Variants in GPD2 observed in about 807,000 individuals in gnomAD.
GPD2 encodes glycerol-3-phosphate dehydrogenase, mitochondrial.
GPD2 carries 54 observed loss-of-function variants against 82.4 expected under a neutral mutation model. That is an observed-to-expected ratio of 0.66 (90% CI 0.53 to 0.82). The LOEUF is 0.82. Among genes scored for constraint, GPD2 ranks in the 40% least tolerant of loss-of-function variants. The probability of loss-of-function intolerance (pLI) is 0.00; values close to 1 mark genes in which losing one functional copy is unlikely to be tolerated. For synonymous variants in GPD2, 288 were observed against 306.1 expected, an observed-to-expected ratio of 0.94 and a Z score of 0.62; for missense variants, 748 against 896.2, an observed-to-expected ratio of 0.83 and a Z score of 2.11.
At chr2:156,564,506 A>G (rs1687294937) in intron 9 of GPD2, among the ~76,000 whole-genome samples, 2 of 152,136 alleles carry the variant, frequency 1.3e-5, no homozygotes, top group South Asian at 4.1e-4. Flanking sequence ...AATGTCTCAC[A>G]TGTTTAGCTG....
chr2:156,428,635 C>T, the GPD2 span, among the ~76,000 whole-genome samples: 181 of 152,328 alleles, frequency 1.2e-3, no homozygotes, highest in African/African-American at 4.3e-3. Context: ...TATTTATTTA[C>T]AGCGTGGCCT....
rs1022971048 is a variant in GPD2 at position 156,493,054 on chromosome 2, T to TTC, written c.103-2978_103-2977dup. 7.2e-4 allele frequency among the ~76,000 whole-genome samples: 110 copies of TTC among 152,122 alleles called. 1 individual carries two copies. The highest frequency in any genetic ancestry group is 2.6e-3 in the African/African-American group (107 of 41,528). On this transcript the variant is annotated intron_variant, in intron 2 of 16. Coordinates refer to ENST00000438166, the MANE Select transcript of GPD2 (RefSeq NM_000408.5). Reference sequence around the variant, plus strand: ...TTGATGATATGGGGTACATAAGATTTTCTCTCTCTCTCTTACTGTCTGTTG... The same window carrying TTC: ...TTGATGATATGGGGTACATAAGATTTTCTCTCTCTCTCTCTTACTGTCTGTTG...
At chr2:156,555,539 T>C (rs942596177) in intron 8 of GPD2, among the ~76,000 whole-genome samples, 1 of 152,200 alleles carries the variant, frequency 6.6e-6, no homozygotes, top group Admixed American at 6.5e-5. Context: ...TGTTTCAATA[T>C]ACTTCTGTTT....
At chr2:156,419,350 C>T in the GPD2 span, among the ~76,000 whole-genome samples, 30 of 152,212 alleles carry the variant, frequency 2.0e-4, no homozygotes, top group African/African-American at 6.8e-4. Context: ...TGAGCCACCA[C>T]GCCCAGCCCA....
At chr2:156,574,710 T>A (rs180911562) in intron 13 of GPD2, among the ~76,000 whole-genome samples, 1 of 152,286 alleles carries the variant, frequency 6.6e-6, no homozygotes. Flanking sequence ...AGAAGCCAAG[T>A]GCTCAACAAT....
chr2:156,479,942 A>G (rs1040621729), intron 2 of GPD2, among the ~76,000 whole-genome samples: 1 of 152,146 alleles, frequency 6.6e-6, no homozygotes, highest in Admixed American at 6.6e-5. Flanking sequence ...TAAGCATTTT[A>G]CCACTCAAAG....
At chr2:156,426,776 G>T in the GPD2 span, among the ~76,000 whole-genome samples, 1 of 151,948 alleles carries the variant, frequency 6.6e-6, no homozygotes, top group African/African-American at 2.4e-5. Context: ...CTAGGGAATG[G>T]TTTTTTTCTT....
chr2:156,409,719 A>C, the GPD2 span, among the ~76,000 whole-genome samples: 2 of 152,162 alleles, frequency 1.3e-5, no homozygotes, highest in African/African-American at 4.8e-5. Flanking sequence ...AAAACAAAAA[A>C]ACCTAGAAAG....
the GPD2 span, among the ~76,000 whole-genome samples, chr2:156,425,999 T>C: frequency 5.1e-4 from 77 of 151,038 alleles, no homozygotes; most frequent in Non-Finnish European, 9.4e-4. Context: ...CTCGGCTCAC[T>C]GCAAGCTCCG....
intron 3 of GPD2, among the ~76,000 whole-genome samples, chr2:156,506,910 A>G (rs187806571): frequency 2.4e-4 from 37 of 152,304 alleles, no homozygotes; most frequent in African/African-American, 8.9e-4. Context: ...TTCCTTTTTT[A>G]TAATAATAAA....
chr2:156,432,158 G>C (rs1688323879), upstream of GPD2, among the ~76,000 whole-genome samples: 1 of 152,146 alleles, frequency 6.6e-6, no homozygotes, highest in Non-Finnish European at 1.5e-5. Context: ...AAAGTGCTGG[G>C]ATTACAGGCA....
chr2:156,418,584 A>C, the GPD2 span, among the ~76,000 whole-genome samples: 1 of 152,154 alleles, frequency 6.6e-6, no homozygotes, highest in Non-Finnish European at 1.5e-5. Flanking sequence ...CCAAGGTGAA[A>C]GTTTCCCCTG....
chr2:156,500,801 A>C (rs950495986), intron 3 of GPD2, among the ~76,000 whole-genome samples: 7 of 152,150 alleles, frequency 4.6e-5, no homozygotes, highest in African/African-American at 1.7e-4. Context: ...TATCATCTGC[A>C]TTTTCTTGGG....
chr2:156,539,756 G>GA (rs1322025785), intron 6 of GPD2, among the ~76,000 whole-genome samples: 1 of 152,078 alleles, frequency 6.6e-6, no homozygotes, highest in Non-Finnish European at 1.5e-5. Context: ...AAAGAGGACT[G>GA]AAAAAAATGG....
At chr2:156,559,523 C>T (rs1548023) in intron 9 of GPD2, among the ~76,000 whole-genome samples, 108,850 of 151,962 alleles carry the variant, frequency 0.72, 39,062 homozygotes, top group Middle Eastern at 0.82. Flanking sequence ...CCTTTTTCCC[C>T]AAAGGATTTT....
chr2:156,443,199 C>G (rs1682238201), intron 1 of GPD2, among the ~76,000 whole-genome samples: 1 of 152,182 alleles, frequency 6.6e-6, no homozygotes, highest in Non-Finnish European at 1.5e-5. Flanking sequence ...TCAGAAATGT[C>G]TTGTATATTT....
intron 1 of GPD2, among the ~76,000 whole-genome samples, chr2:156,463,698 G>T (rs910666980): frequency 2.6e-5 from 4 of 152,072 alleles, no homozygotes; most frequent in Non-Finnish European, 5.9e-5. Context: ...ACCCCCTGAT[G>T]ATTTTCTTTT....
intron 3 of GPD2, among the ~76,000 whole-genome samples, chr2:156,496,751 TAAA>T (rs1229980437): frequency 6.6e-6 from 1 of 152,214 alleles, no homozygotes; most frequent in South Asian, 2.1e-4. Context: ...TTATATAAAA[TAAA>T]AACATTTTTA....
At chr2:156,422,223 T>C in the GPD2 span, among the ~76,000 whole-genome samples, 1 of 152,174 alleles carries the variant, frequency 6.6e-6, no homozygotes, top group African/African-American at 2.4e-5. Flanking sequence ...AGTGTGATGA[T>C]TGGGTTTTTA....
Sources: allele counts gnomAD v4.1 joint callset (sites outside exome capture counted in the v4.1 genomes callset), GRCh38; gene constraint gnomAD v4.1.1; transcripts MANE v1.5; gene names NCBI Gene and HGNC (gene_info 2026-07-23, HGNC 2026-07-21).